The following KHDRBS3 variants were observed in gnomAD, a reference collection of about 807,000 sequenced individuals.
The protein encoded by KHDRBS3 is KH domain-containing, RNA-binding, signal transduction-associated protein 3.
KHDRBS3 carries 23 observed loss-of-function variants against 45.6 expected under a neutral mutation model. That is an observed-to-expected ratio of 0.50 (90% confidence interval 0.36 to 0.72). The LOEUF (loss-of-function observed/expected upper bound fraction) is 0.72. Ranked by LOEUF, KHDRBS3 falls within the 30% of genes least tolerant of loss-of-function variation. KHDRBS3 has a pLI of 0.00. For synonymous variants in KHDRBS3, 162 were observed against 156.5 expected (o/e 1.04, Z -0.26); for missense variants, 352 against 424.8 (o/e 0.83, Z 1.51).
At chr8:135,513,424 G>A (rs911343078) in intron 1 of KHDRBS3, among the ~76,000 whole-genome samples, 12 of 152,208 alleles carry the variant, frequency 7.9e-5, no homozygotes, top group South Asian at 2.1e-4. Flanking sequence ...GGGGGCAGGC[G>A]CTGTTATTTC....
At chr8:135,573,581 G>A (rs1242389871) in intron 5 of KHDRBS3, among the ~76,000 whole-genome samples, 1 of 152,174 alleles carries the variant, frequency 6.6e-6, no homozygotes, top group Non-Finnish European at 1.5e-5. Flanking sequence ...GAAAACTGAG[G>A]CTTAAAGATC....
intron 7 of KHDRBS3, among the ~76,000 whole-genome samples, chr8:135,634,105 C>T (rs969631766): frequency 1.3e-5 from 2 of 152,186 alleles, no homozygotes; most frequent in African/African-American, 2.4e-5. Context: ...CAACCCATTT[C>T]TTAAAATAGG....
At chr8:135,573,303 T>G (rs532686626) in intron 5 of KHDRBS3, among the ~76,000 whole-genome samples, 1 of 152,274 alleles carries the variant, frequency 6.6e-6, no homozygotes, top group African/African-American at 2.4e-5. Context: ...GCCAAAAAAT[T>G]TAGTATGTGT....
chr8:135,655,522 A>G (rs900002136), intron 4 of KHDRBS3, among the ~76,000 whole-genome samples: 4 of 152,252 alleles, frequency 2.6e-5, no homozygotes, highest in African/African-American at 9.6e-5. Flanking sequence ...AGCTGCTGGA[A>G]TATAACATGC....
In KHDRBS3 at chr8:135,536,876, C is replaced by T. The variant is rs1428530375; in HGVS notation, c.208-5778C>T. 4.2e-5 allele frequency among the ~76,000 whole-genome samples: 6 copies of T among 143,696 alleles called. No individual in the cohort carries two copies. The East Asian group carries it at 1.1e-3, about 26-fold the overall frequency. The allele number at this position is 143,696 out of a possible 152,430, so 94.3% of individuals were successfully genotyped here. On this transcript the variant is annotated intron_variant, in intron 2 of 8. Transcript: ENST00000355849. ...TCGGGAGGCTGAGGCAGGAGAATGG[C>T]ATGAACCCGGGAAGCGGAGCTTGCA...
intron 1 of KHDRBS3, among the ~76,000 whole-genome samples, chr8:135,476,504 A>G (rs1164290843): frequency 6.6e-6 from 1 of 152,080 alleles, no homozygotes; most frequent in South Asian, 2.1e-4. Context: ...TTTTTCCCCC[A>G]AACACTGTCT....
At chr8:135,467,667 C>T (rs570422999) in intron 1 of KHDRBS3, among the ~76,000 whole-genome samples, 22 of 152,360 alleles carry the variant, frequency 1.4e-4, no homozygotes, top group African/African-American at 5.3e-4. Context: ...GGAATGCCAC[C>T]GAGGTGATGG....
chr8:135,594,468 T>C (rs1563793371), intron 6 of KHDRBS3, among the ~76,000 whole-genome samples: 2 of 152,230 alleles, frequency 1.3e-5, no homozygotes, highest in African/African-American at 4.8e-5. Context: ...CCTCAGTTCC[T>C]AATTCAAAGC....
At chr8:135,629,058 G>A (rs1251385275) in intron 7 of KHDRBS3, among the ~76,000 whole-genome samples, 1 of 152,210 alleles carries the variant, frequency 6.6e-6, no homozygotes, top group Non-Finnish European at 1.5e-5. Context: ...ATTCAGCCAA[G>A]TACCAGTAAG....
intron 5 of KHDRBS3, among the ~76,000 whole-genome samples, chr8:135,563,570 A>G (rs1241579784): frequency 3.9e-5 from 6 of 152,234 alleles, no homozygotes; most frequent in South Asian, 2.1e-4. Context: ...ATGCAAATCC[A>G]TAAAGACCCA....
intron 2 of KHDRBS3, chr8:135,541,289 A>G (rs1262205490): frequency 6.6e-6 from 1 of 152,178 alleles, no homozygotes; most frequent in Non-Finnish European, 1.5e-5. Flanking sequence ...ATCAGGTGGG[A>G]TTGTATGGGT....
intron 1 of KHDRBS3, among the ~76,000 whole-genome samples, chr8:135,519,468 G>A (rs1824794603): frequency 1.3e-5 from 2 of 152,144 alleles, no homozygotes; most frequent in Non-Finnish European, 2.9e-5. Flanking sequence ...CTCAGGTTTG[G>A]TAATTTGCTA....
chr8:135,631,162 A>G (rs768197279), intron 7 of KHDRBS3, among the ~76,000 whole-genome samples: 2 of 147,776 alleles, frequency 1.4e-5, no homozygotes, highest in Non-Finnish European at 3.0e-5. Flanking sequence ...GAGGCAGGGG[A>G]ATTGCTTGAA....
chr8:135,531,244 C>T (rs1017971877), intron 2 of KHDRBS3, among the ~76,000 whole-genome samples: 32 of 152,102 alleles, frequency 2.1e-4, no homozygotes, highest in Middle Eastern at 3.4e-3. Context: ...GAATTATTAA[C>T]GTCTAAATAA....
intron 1 of KHDRBS3, among the ~76,000 whole-genome samples, chr8:135,489,880 T>C (rs1406378161): frequency 6.6e-6 from 1 of 152,200 alleles, no homozygotes; most frequent in African/African-American, 2.4e-5. Flanking sequence ...TCACACTCAC[T>C]CACTCTTCAG....
At chr8:135,494,273 A>ATTTTTTTTTTTTTTTTTTTTTTTTT (rs386414089) in intron 1 of KHDRBS3, among the ~76,000 whole-genome samples, 1 of 78,624 alleles carries the variant, frequency 1.3e-5, no homozygotes, top group Non-Finnish European at 2.2e-5. Context: ...TGTTTCTCTT[A>ATTTTTTTTTTTTTTTTTTTTTTTTT]TTTTTTTTTT....
intron 1 of KHDRBS3, among the ~76,000 whole-genome samples, chr8:135,485,673 AT>A (rs1822816642): frequency 6.6e-6 from 1 of 151,850 alleles, no homozygotes; most frequent in Admixed American, 6.6e-5. Flanking sequence ...GAGTGATATA[AT>A]CACGCACAAA....
At chr8:135,493,240 G>A (rs113934063) in intron 1 of KHDRBS3, among the ~76,000 whole-genome samples, 2,270 of 151,818 alleles carry the variant, frequency 0.015, 23 homozygotes, top group Middle Eastern at 0.024. Context: ...AGACTCCTTC[G>A]GATTTTCTGG....
intron 1 of KHDRBS3, among the ~76,000 whole-genome samples, chr8:135,459,954 T>C (rs1821348080): frequency 6.6e-6 from 1 of 152,268 alleles, no homozygotes; most frequent in South Asian, 2.1e-4. Flanking sequence ...GAGGAGGTGC[T>C]GCTCAGAATC....
Sources: gnomAD v4.1 joint callset for allele counts (sites outside exome capture counted in the v4.1 genomes callset) on GRCh38, gnomAD v4.1.1 for gene constraint, MANE v1.5 for transcripts, NCBI Gene and HGNC (gene_info 2026-07-23, HGNC 2026-07-21) for gene names.